Variants in SLC38A10 observed in about 807,000 individuals in gnomAD.
SLC38A10 encodes Sodium-coupled neutral amino acid transporter 10.
Under a neutral mutation model 81.0 loss-of-function variants are expected in SLC38A10, and 53 were observed. That is an observed-to-expected ratio of 0.65 (90% confidence interval 0.53 to 0.82). SLC38A10 has a LOEUF of 0.82. SLC38A10 is among the 40% of genes least tolerant of loss of function. The pLI, the probability that SLC38A10 is intolerant of heterozygous loss-of-function variation, is 0.00. For synonymous variants in SLC38A10, 665 were observed against 655.3 expected, an observed-to-expected ratio of 1.01 and a Z score of -0.23; for missense variants, 1,471 against 1,545.0, an observed-to-expected ratio of 0.95 and a Z score of 0.80.
At chr17:81,287,403 C>T (rs1300276903) in intron 2 of SLC38A10, among the ~76,000 whole-genome samples, 2 of 152,180 alleles carry the variant, frequency 1.3e-5, no homozygotes, top group Non-Finnish European at 2.9e-5. Context: ...TGCACAAGGG[C>T]CTCGCCTCAG....
At chr17:81,282,366 C>T in intron 4 of SLC38A10, 34 bp from the exon 5 acceptor site, 2 of 1,578,926 alleles carry the variant, frequency 1.3e-6, no homozygotes, top group Non-Finnish European at 1.7e-6. Context: ...TTGGCCACAG[C>T]CCGTGCCTGC....
chr17:81,250,200 A>G (rs993736661), intron 14 of SLC38A10: 12 of 1,123,038 alleles, frequency 1.1e-5, no homozygotes, highest in Non-Finnish European at 1.4e-5. Flanking sequence ...TTCAGGTAAC[A>G]GAGCATAGGA....
chr17:81,248,659 A>G (rs1376121517), intron 14 of SLC38A10, among the ~76,000 whole-genome samples: 2 of 152,246 alleles, frequency 1.3e-5, no homozygotes, highest in South Asian at 2.1e-4. Flanking sequence ...GTGAGAGCAA[A>G]TATCTCAGGG....
intron 8 of SLC38A10, among the ~76,000 whole-genome samples, chr17:81,274,228 C>T (rs979407212): frequency 1.3e-5 from 2 of 152,222 alleles, no homozygotes; most frequent in South Asian, 2.1e-4. Context: ...GCCTGAACTC[C>T]GCAGAAGAGA....
At chr17:81,275,860 G>C (rs151183795) in intron 8 of SLC38A10, 109 bp downstream of exon 8, 1 of 1,314,694 alleles carries the variant, frequency 7.6e-7, no homozygotes, top group Non-Finnish European at 1.0e-6. Context: ...CTCCTCTGAC[G>C]CAAATCCCCA....
chr17:81,247,610 G>C (rs2062864622), intron 14 of SLC38A10: 1 of 151,414 alleles, frequency 6.6e-6, no homozygotes, highest in African/African-American at 2.4e-5. Flanking sequence ...CAGATCGCTT[G>C]AGCCCAGGAG....
intron 14 of SLC38A10, among the ~76,000 whole-genome samples, chr17:81,249,637 T>C (rs1320057168): frequency 6.6e-6 from 1 of 151,632 alleles, no homozygotes; most frequent in East Asian, 1.9e-4. Flanking sequence ...AGACAGGCTG[T>C]TCCTACAGCC....
chr17:81,292,463 A>C (rs570965672), intron 1 of SLC38A10, among the ~76,000 whole-genome samples: 2 of 152,198 alleles, frequency 1.3e-5, no homozygotes, highest in East Asian at 1.9e-4. Context: ...CTAAAACAAA[A>C]AAAAAAACAC....
rs947378955 is a variant in SLC38A10 at position 81,285,084 on chromosome 17, C to T, written c.218-189G>A. On this transcript the variant is annotated intron_variant, in intron 2 of 15. Coordinates refer to ENST00000374759, the MANE Select transcript of SLC38A10 (RefSeq NM_001037984.3). ...GATCTACTGTCTGCAAATGAAACTA[C>T]AAGAAACAAAGACAGAGCAAGGGAA... The T allele has an allele frequency of 4.0e-5, 19 of 471,838 alleles. 1 individual carries two copies. The highest frequency in any genetic ancestry group is 5.4e-5 in the Non-Finnish European group (14 of 258,538). 29.2% of individuals were successfully genotyped at this position (471,838 alleles called of 1,614,324 possible).
chr17:81,272,006 C>A (rs533029931), intron 9 of SLC38A10, among the ~76,000 whole-genome samples: 1 of 151,746 alleles, frequency 6.6e-6, no homozygotes, highest in Non-Finnish European at 1.5e-5. Context: ...GGATTACAGG[C>A]GTGAGCCACT....
At chr17:81,275,359 C>A (rs1395060487) in intron 8 of SLC38A10, among the ~76,000 whole-genome samples, 1 of 152,114 alleles carries the variant, frequency 6.6e-6, no homozygotes, top group African/African-American at 2.4e-5. Context: ...CCAATATGGC[C>A]TACATCAAAC....
rs773988707 is a variant in SLC38A10 at position 81,253,291 on chromosome 17, C to T, written c.1289-51G>A. 1.6e-5 allele frequency: 26 copies of T among 1,593,104 alleles called. No individual in the cohort carries two copies. The highest frequency in any genetic ancestry group is 4.5e-5 in the East Asian group (2 of 44,496). On this transcript the variant is annotated intron_variant, in intron 11 of 15. Coordinates refer to ENST00000374759, the MANE Select transcript of SLC38A10 (RefSeq NM_001037984.3). The surrounding 1 kb of genome is among the most constrained non-coding windows in gnomAD (Gnocchi z 4.1). ...CTGCACTGCCAAGCAGCTCCAGGAGCGGGGCAGCTCTCCCTGGACTGTTAC... is the reference window on the plus strand; with the variant it reads ...CTGCACTGCCAAGCAGCTCCAGGAGTGGGGCAGCTCTCCCTGGACTGTTAC...
rs1273807793 is a variant in SLC38A10 at position 81,280,686 on chromosome 17, C to T, written c.549G>A (p.Leu183=). The change falls in exon 6 of 16, where the codon CTG becomes CTA. Residue 183 remains leucine, a synonymous_variant. Transcript: ENST00000374759. ...CCCAGCGGACGTAGCTGACCCGCCG[C>T]AGCCACTGCCCACTGAAGAGGCCGT... is the stretch of plus-strand genomic sequence containing the variant. The part of the protein sequence containing the change: ...LKHGLFSGQW[L]RRVSYVRWEG... 1.9e-6 allele frequency: 3 copies of T among 1,613,720 alleles called. No individual in the cohort carries two copies. The highest frequency in any genetic ancestry group is 2.5e-6 in the Non-Finnish European group (3 of 1,180,010).
At chr17:81,275,327 G>C (rs1294901703) in intron 8 of SLC38A10, among the ~76,000 whole-genome samples, 1 of 152,132 alleles carries the variant, frequency 6.6e-6, no homozygotes, top group African/African-American at 2.4e-5. Context: ...AGCCTCCTGA[G>C]GAGCTGGGAC....
Position 81,252,236 on chromosome 17 carries a change from G to T in SLC38A10, c.1904C>A (p.Ala635Asp). Residue 635 changes from alanine to aspartate, a missense_variant, in exon 13 of 16, where the codon GCC becomes GAC. Coordinates refer to ENST00000374759, the MANE Select transcript of SLC38A10 (RefSeq NM_001037984.3). ...TGCGGGCTGCCCTGTGTCCCCGGCG[G>T]CGTTGCCTGGCGGCGGTCCCCCCTT... ...KAKGGPPPGN[A>D]AGDTGQPAED... The T allele has an allele frequency of 6.5e-7, 1 of 1,546,174 alleles. No individual in the cohort carries two copies. Among genetic ancestry groups the T allele is most frequent in the Non-Finnish European group, 8.7e-7 (1 of 1,148,958 alleles).
Position 81,245,355 on chromosome 17 carries a change from C to G in SLC38A10, c.*201G>C, listed in dbSNP as rs967400821. 3.1e-6 allele frequency: 2 copies of G among 649,702 alleles called. No individual in the cohort carries two copies. Among genetic ancestry groups the G allele is most frequent in the African/African-American group, 3.7e-5 (2 of 53,356 alleles). The allele number at this position is 649,702 out of a possible 1,614,324, so 40.2% of individuals were successfully genotyped here. ...GAGGACCTCAGACTAAGAGCTGCAA[C>G]AGAACGACAGCAAGAACATTCTGGA... is the stretch of plus-strand genomic sequence containing the variant. On this transcript the variant is annotated 3_prime_UTR_variant, in exon 16 of 16. Coordinates refer to ENST00000374759, the MANE Select transcript of SLC38A10 (RefSeq NM_001037984.3).
chr17:81,280,623 G>A lies in SLC38A10; in HGVS notation c.612C>T (p.Ser204=). Residue 204 remains serine (S), a synonymous_variant, in exon 6 of 16, where the codon TCC becomes TCT. Transcript: ENST00000374759. ...VFRCIPIFGM[S]FACQSQVLPT... is the part of the protein sequence containing the mutation. ...AGGACACTTACGACTGGCAGGCGAA[G>A]GACATGCCGAAGATGGGGATGCAGC... is the stretch of plus-strand genomic sequence containing the variant. 6.2e-7 allele frequency: 1 copy of A among 1,612,556 alleles called. No individual in the cohort carries two copies. Among genetic ancestry groups the A allele is most frequent in the Middle Eastern group, 1.7e-4 (1 of 6,060 alleles).
chr17:81,269,589 TG>T, intron 10 of SLC38A10, among the ~76,000 whole-genome samples: 1 of 151,206 alleles, frequency 6.6e-6, no homozygotes, highest in East Asian at 1.9e-4. Flanking sequence ...ACCTTTGGGG[TG>T]GGGGTGGATG....
Position 81,283,570 on chromosome 17 carries a change from G to A in SLC38A10, c.264-68C>T, listed in dbSNP as rs2063235781. 11 of 1,221,462 alleles carry A rather than the reference G, an allele frequency of 9.0e-6. No homozygotes were observed. Among genetic ancestry groups the A allele is most frequent in the Non-Finnish European group, 1.2e-5 (10 of 844,810 alleles). 75.7% of individuals were successfully genotyped at this position (1,221,462 alleles called of 1,614,324 possible). ...CTGGCACACACCTGGGCTGCCGCCA[G>A]GGACTACCCCAAGGCTGGGCTGAAT... On this transcript the variant is annotated intron_variant, in intron 3 of 15. Coordinates refer to ENST00000374759, the MANE Select transcript of SLC38A10 (RefSeq NM_001037984.3). The surrounding 1 kb of genome is among the most constrained non-coding windows in gnomAD (Gnocchi z 4.7).
Sources: gnomAD v4.1 joint callset for allele counts (sites outside exome capture counted in the v4.1 genomes callset) on GRCh38, gnomAD v4.1.1 for gene constraint, Gnocchi (gnomAD v3.1) non-coding constraint, MANE v1.5 for transcripts, NCBI Gene and HGNC (gene_info 2026-07-23, HGNC 2026-07-21) for gene names.